SLC4A10: variants seen among roughly 807,000 people sequenced by gnomAD.
SLC4A10 encodes sodium-driven chloride bicarbonate exchanger.
In SLC4A10, 42 loss-of-function variants were observed where a neutral mutation model predicts 137.7. The ratio of observed to expected loss-of-function variants is 0.30; its 90% CI spans 0.24 to 0.39. SLC4A10 has a LOEUF of 0.39. Ranked by LOEUF, SLC4A10 falls within the 10% of genes least tolerant of loss-of-function variation. The pLI, the probability that SLC4A10 is intolerant of heterozygous loss-of-function variation, is 1.00. For missense variants in SLC4A10, 925 were observed against 1,355.0 expected, an observed-to-expected ratio of 0.68 and a Z score of 4.98; for synonymous variants, 474 against 464.1, an observed-to-expected ratio of 1.02 and a Z score of -0.27.
At chr2:161,640,785 C>A (rs188103821) in intron 1 of SLC4A10, among the ~76,000 whole-genome samples, 176 of 152,212 alleles carry the variant, frequency 1.2e-3, no homozygotes, top group Middle Eastern at 3.4e-3. Flanking sequence ...CCTACCTCAG[C>A]CTCCCAAGTA....
At chr2:161,906,511 T>G (rs1165033325) in intron 15 of SLC4A10, among the ~76,000 whole-genome samples, 1 of 152,214 alleles carries the variant, frequency 6.6e-6, no homozygotes, top group African/African-American at 2.4e-5. Flanking sequence ...CAGTCTGAAA[T>G]GTCTCTAAGG....
At chr2:161,630,518 A>G (rs1176760971) in intron 1 of SLC4A10, among the ~76,000 whole-genome samples, 1 of 151,722 alleles carries the variant, frequency 6.6e-6, no homozygotes, top group African/African-American at 2.4e-5. Flanking sequence ...TTTACGGATG[A>G]TGGAACTGGA....
At chr2:161,966,048 C>A (rs1232192627) in intron 23 of SLC4A10, among the ~76,000 whole-genome samples, 1 of 152,142 alleles carries the variant, frequency 6.6e-6, no homozygotes, top group Admixed American at 6.5e-5. Context: ...ATTCAACTTT[C>A]TATTTCCTCA....
chr2:161,944,045 G>A (rs1693242808), intron 16 of SLC4A10, among the ~76,000 whole-genome samples: 1 of 151,708 alleles, frequency 6.6e-6, no homozygotes, highest in Admixed American at 6.6e-5. Flanking sequence ...TGTAGAATAA[G>A]CCTTCAGTTA....
rs548625725 is a variant in SLC4A10 at position 161,807,782 on chromosome 2, G to A, written c.277+3187G>A. On this transcript the variant is annotated intron_variant, in intron 3 of 26. Coordinates refer to ENST00000446997, the MANE Select transcript of SLC4A10 (RefSeq NM_001178015.2). ...TAGGAAGCAGCATTTTATTTAAAAT[G>A]TTTTTAATAGATTTCTTAAAGATGT... Among the ~76,000 whole-genome samples, 7 of 152,074 alleles carry A rather than the reference G, an allele frequency of 4.6e-5. No individual in the cohort carries two copies. The East Asian group carries it at 1.4e-3, about 29-fold the overall frequency.
intron 9 of SLC4A10, 54 bp from the exon 10 acceptor site, chr2:161,882,303 T>C: frequency 8.8e-7 from 1 of 1,142,320 alleles, no homozygotes; most frequent in Non-Finnish European, 1.2e-6. Context: ...TCTGTATTAC[T>C]AAAATTATTT....
chr2:161,934,627 G>A (rs1236875239), intron 15 of SLC4A10, among the ~76,000 whole-genome samples: 1 of 151,792 alleles, frequency 6.6e-6, no homozygotes, highest in South Asian at 2.1e-4. Context: ...TCATCTTTTC[G>A]ATAATAACCA....
chr2:161,884,709 G>C (rs866213122), intron 10 of SLC4A10, among the ~76,000 whole-genome samples: 1 of 152,100 alleles, frequency 6.6e-6, no homozygotes, highest in Non-Finnish European at 1.5e-5. Context: ...CAACCAGAAA[G>C]CTACTCTAAA....
intron 4 of SLC4A10, among the ~76,000 whole-genome samples, chr2:161,850,312 G>C (rs1165758993): frequency 1.3e-5 from 2 of 152,070 alleles, no homozygotes; most frequent in Non-Finnish European, 2.9e-5. Flanking sequence ...AATCACTTGA[G>C]TGCAGGAACA....
chr2:161,777,923 A>G (rs148299359), intron 2 of SLC4A10, among the ~76,000 whole-genome samples: 23 of 152,094 alleles, frequency 1.5e-4, no homozygotes, highest in African/African-American at 5.3e-4. Flanking sequence ...GGATGCCAAC[A>G]GTTTTACTCA....
At chr2:161,767,609 A>T (rs569107475) in intron 1 of SLC4A10, among the ~76,000 whole-genome samples, 1 of 152,090 alleles carries the variant, frequency 6.6e-6, no homozygotes, top group East Asian at 1.9e-4. Context: ...AGCAGAAAAT[A>T]TTGTGATATT....
chr2:161,805,050 A>T (rs1226367141), intron 3 of SLC4A10, among the ~76,000 whole-genome samples: 1 of 152,196 alleles, frequency 6.6e-6, no homozygotes, highest in Non-Finnish European at 1.5e-5. Context: ...GTTTAATTGG[A>T]CTTACAGTAC....
intron 1 of SLC4A10, among the ~76,000 whole-genome samples, chr2:161,755,518 C>G (rs751187063): frequency 8.5e-5 from 13 of 152,090 alleles, no homozygotes; most frequent in Non-Finnish European, 1.6e-4. Context: ...GTCCATTTTT[C>G]TAATAGTTCT....
chr2:161,697,590 A>T (rs186348378), intron 1 of SLC4A10, among the ~76,000 whole-genome samples: 317 of 152,244 alleles, frequency 2.1e-3, no homozygotes, highest in Non-Finnish European at 3.1e-3. Context: ...TGTTTTTGTC[A>T]GATTTGTCAA....
At chr2:161,766,883 AG>A (rs1429547463) in intron 1 of SLC4A10, among the ~76,000 whole-genome samples, 3 of 151,246 alleles carry the variant, frequency 2.0e-5, no homozygotes, top group African/African-American at 7.3e-5. Context: ...GCAAACACTT[AG>A]CCCTGATCTG....
chr2:161,859,744 G>C (rs2060322771), intron 5 of SLC4A10, among the ~76,000 whole-genome samples: 1 of 151,776 alleles, frequency 6.6e-6, no homozygotes, highest in Non-Finnish European at 1.5e-5. Flanking sequence ...GGGACTACAG[G>C]CGCCCGCCAC....
rs1463721010 is a variant in SLC4A10, at chr2:161,860,650, G to T, written c.578-2224G>T. ...GGTATTATAACTACTGATCTCCAAA[G>T]AACTGAAAAATAGATTTAAATATTA... On this transcript the variant is annotated intron_variant, in intron 5 of 26. Transcript: ENST00000446997. Among the ~76,000 whole-genome samples the T allele has an allele frequency of 2.0e-5, 3 of 152,024 alleles. No individual in the cohort carries two copies. The East Asian group carries it at 5.8e-4, about 29-fold the overall frequency.
chr2:161,791,442 A>G (rs1488468824), intron 2 of SLC4A10, among the ~76,000 whole-genome samples: 2 of 152,168 alleles, frequency 1.3e-5, no homozygotes, highest in Admixed American at 1.3e-4. Flanking sequence ...CATGAGAGGA[A>G]ACAACACACA....
chr2:161,930,070 C>G (rs1464247068), intron 15 of SLC4A10, among the ~76,000 whole-genome samples: 2 of 152,072 alleles, frequency 1.3e-5, no homozygotes, highest in Non-Finnish European at 2.9e-5. Flanking sequence ...ATATACATAC[C>G]TTTTAGGACC....
Sources: allele counts gnomAD v4.1 joint callset (sites outside exome capture counted in the v4.1 genomes callset), GRCh38; gene constraint gnomAD v4.1.1; transcripts MANE v1.5; gene names NCBI Gene and HGNC (gene_info 2026-07-23, HGNC 2026-07-21).